HMCN1: variants seen among roughly 807,000 people sequenced by gnomAD.
The protein encoded by HMCN1 is hemicentin-1.
Under a neutral mutation model 625.9 loss-of-function variants are expected in HMCN1, and 321 were observed. The observed-to-expected ratio is 0.51, with a 90% confidence interval of 0.47 to 0.56. The LOEUF (loss-of-function observed/expected upper bound fraction) is 0.56. HMCN1 is among the 20% of genes least tolerant of loss of function. The probability of loss-of-function intolerance (pLI) is 0.00; values close to 1 mark genes in which losing one functional copy is unlikely to be tolerated. For synonymous variants in HMCN1, 2,425 were observed against 2,417.6 expected (o/e 1.00, Z -0.09); for missense variants, 6,588 against 6,887.3 (o/e 0.96, Z 1.54).
chr1:186,162,215 C>T (rs1364268599), intron 97 of HMCN1, among the ~76,000 whole-genome samples: 12 of 152,150 alleles, frequency 7.9e-5, no homozygotes, highest in Non-Finnish European at 1.8e-4. Context: ...TGCATCGGCT[C>T]CTGAGGCTTC....
At chr1:186,129,923 T>C (rs1486329529) in intron 83 of HMCN1, 43 bp from the exon 84 acceptor site, 1 of 1,611,332 alleles carries the variant, frequency 6.2e-7, no homozygotes, top group East Asian at 2.2e-5. Context: ...AAATTTTTCC[T>C]AGGTTACTGA....
intron 1 of HMCN1, among the ~76,000 whole-genome samples, chr1:185,779,747 T>C (rs1194885417): frequency 6.6e-6 from 1 of 152,248 alleles, no homozygotes; most frequent in Non-Finnish European, 1.5e-5. Flanking sequence ...TTGGTTACTG[T>C]AGCCTTGTAG....
At chr1:185,819,484 T>C (rs1660056228) in intron 1 of HMCN1, among the ~76,000 whole-genome samples, 3 of 152,198 alleles carry the variant, frequency 2.0e-5, no homozygotes, top group Non-Finnish European at 2.9e-5. Context: ...TTCTCTGATA[T>C]TACCTAAATC....
intron 20 of HMCN1, among the ~76,000 whole-genome samples, chr1:185,987,859 A>G (rs1300608145): frequency 7.5e-6 from 1 of 133,248 alleles, no homozygotes; most frequent in Non-Finnish European, 1.6e-5. Context: ...GCCCTGGTCC[A>G]AAAAAAAAAA....
Position 186,144,361 on chromosome 1 carries a change from T to C in HMCN1, c.14095+18T>C. On this transcript the variant is annotated intron_variant, in intron 90 of 106. Coordinates refer to ENST00000271588, the MANE Select transcript of HMCN1 (RefSeq NM_031935.3). Reference sequence around the variant, plus strand: ...TTGTCCAAGTAAGAGAAATACACTGTTTATACCTTAATAAATTAACATCTA... The same window carrying C: ...TTGTCCAAGTAAGAGAAATACACTGCTTATACCTTAATAAATTAACATCTA... 1 of 1,611,652 alleles carries C rather than the reference T, an allele frequency of 6.2e-7. No individual in the cohort carries two copies. Among genetic ancestry groups the C allele is most frequent in the Non-Finnish European group, 8.5e-7 (1 of 1,178,924 alleles).
Position 185,734,618 on chromosome 1 carries a change from G to T in HMCN1, c.-162G>T. The T allele has an allele frequency of 1.4e-6, 1 of 693,928 alleles. No homozygotes were observed. Among genetic ancestry groups the T allele is most frequent in the Non-Finnish European group, 2.5e-6 (1 of 396,830 alleles). 43.0% of individuals were successfully genotyped at this position (693,928 alleles called of 1,614,324 possible). ...CAACCCCTGGAGGGATTCGAGTTTGGTGCTTGTCCCCGTCTGATTCTCAGC... is the reference window on the plus strand; with the variant it reads ...CAACCCCTGGAGGGATTCGAGTTTGTTGCTTGTCCCCGTCTGATTCTCAGC... On this transcript the variant is annotated 5_prime_UTR_variant, in exon 1 of 107. Transcript: ENST00000271588.
intron 4 of HMCN1, among the ~76,000 whole-genome samples, chr1:185,880,160 G>A (rs1664203794): frequency 6.6e-6 from 1 of 152,116 alleles, no homozygotes; most frequent in Admixed American, 6.6e-5. Flanking sequence ...TTGGGGTTAG[G>A]AAGTATCTTG....
At chr1:186,005,329 ATTT>A (rs1327618035) in intron 29 of HMCN1, among the ~76,000 whole-genome samples, 1 of 145,448 alleles carries the variant, frequency 6.9e-6, no homozygotes, top group Admixed American at 6.8e-5. Flanking sequence ...TTTATAAACA[ATTT>A]TTTAATTGTT....
intron 11 of HMCN1, among the ~76,000 whole-genome samples, chr1:185,948,646 T>C (rs1668473011): frequency 1.3e-5 from 2 of 152,000 alleles, no homozygotes; most frequent in Middle Eastern, 6.8e-3. Flanking sequence ...CTTTTTTGAT[T>C]CTTCAGTTAC....
At chr1:186,108,338 C>T in intron 70 of HMCN1, 123 bp from the exon 71 acceptor site, 15 of 1,451,934 alleles carry the variant, frequency 1.0e-5, no homozygotes, top group Non-Finnish European at 1.4e-5. Flanking sequence ...ATTATCTAGG[C>T]TATAAATTAA....
At chr1:185,747,588 G>A (rs1654504302) in intron 1 of HMCN1, among the ~76,000 whole-genome samples, 1 of 152,102 alleles carries the variant, frequency 6.6e-6, no homozygotes, top group Non-Finnish European at 1.5e-5. Context: ...CCAAATTGCT[G>A]GGATTATAGG....
At chr1:186,166,002 A>G (rs1651855407) in intron 98 of HMCN1, among the ~76,000 whole-genome samples, 182 bp from the exon 99 acceptor site, 1 of 152,234 alleles carries the variant, frequency 6.6e-6, no homozygotes, top group Admixed American at 6.5e-5. Flanking sequence ...ACTATCAAGG[A>G]TAACTCAGAT....
intron 48 of HMCN1, among the ~76,000 whole-genome samples, chr1:186,064,579 G>A (rs563845769): frequency 4.6e-5 from 7 of 152,090 alleles, no homozygotes; most frequent in African/African-American, 1.7e-4. Flanking sequence ...GGAGGCCGAG[G>A]CAGGTGGATC....
intron 1 of HMCN1, among the ~76,000 whole-genome samples, chr1:185,812,539 GA>G (rs2102248808): frequency 6.6e-6 from 1 of 152,230 alleles, no homozygotes; most frequent in Admixed American, 6.5e-5. Flanking sequence ...TCTGAGAAGT[GA>G]AAATTGTAAG....
rs1052241086 is a variant in HMCN1 at position 185,865,651 on chromosome 1, C to T, written c.499-90C>T. 1.1e-5 allele frequency: 11 copies of T among 1,021,788 alleles called. No homozygotes were observed. The African/African-American group carries it at 1.8e-4, about 16-fold the overall frequency. The allele number at this position is 1,021,788 out of a possible 1,614,324, so 63.3% of individuals were successfully genotyped here. A position where few individuals can be genotyped will look rare whatever the true frequency, so the allele number is the denominator to read the frequency against. ...CACACATTCACATATTCTACTTGCC[C>T]AGTAATGTAACACAATAGGTAGTCA... On this transcript the variant is annotated intron_variant, in intron 3 of 106. Transcript: ENST00000271588.
chr1:185,804,572 T>C (rs1384947628), intron 1 of HMCN1, among the ~76,000 whole-genome samples: 2 of 152,084 alleles, frequency 1.3e-5, no homozygotes, highest in African/African-American at 2.4e-5. Flanking sequence ...AGTGTGGATT[T>C]TTAAAAACAG....
chr1:185,949,970 G>A (rs1233763457), intron 11 of HMCN1, among the ~76,000 whole-genome samples: 1 of 151,778 alleles, frequency 6.6e-6, no homozygotes, highest in Non-Finnish European at 1.5e-5. Context: ...CTAAGAGGCG[G>A]GCTAGTGGCT....
chr1:185,962,446 C>A lies in HMCN1; in HGVS notation c.1829-72C>A, dbSNP rs973861006. On this transcript the variant is annotated intron_variant, in intron 11 of 106. Coordinates refer to ENST00000271588, the MANE Select transcript of HMCN1 (RefSeq NM_031935.3). The stretch of plus-strand genomic sequence containing the variant: ...ATGTGGTGGTGAGAAACCTACAAAT[C>A]TGCTAACATAGGAAGCTTCTAACAT... 1.1e-5 allele frequency: 14 copies of A among 1,272,136 alleles called. No homozygotes were observed. The South Asian group carries it at 1.7e-4, about 15-fold the overall frequency. The allele number at this position is 1,272,136 out of a possible 1,614,324, so 78.8% of individuals were successfully genotyped here.
At chr1:185,895,491 G>A (rs1394553103) in intron 4 of HMCN1, among the ~76,000 whole-genome samples, 1 of 152,164 alleles carries the variant, frequency 6.6e-6, no homozygotes. Context: ...AATTAAAGGT[G>A]CTGACTTCAG....
Sources: gnomAD v4.1 joint callset for allele counts (sites outside exome capture counted in the v4.1 genomes callset) on GRCh38, gnomAD v4.1.1 for gene constraint, MANE v1.5 for transcripts, NCBI Gene and HGNC (gene_info 2026-07-23, HGNC 2026-07-21) for gene names.